Variants in MGAT5 observed in about 807,000 individuals in gnomAD.
The protein encoded by MGAT5 is alpha-1,6-mannosylglycoprotein 6-beta-N-acetylglucosaminyltransferase.
In MGAT5, 30 loss-of-function variants were observed where a neutral mutation model predicts 94.3. The ratio of observed to expected loss-of-function variants is 0.32; its 90% CI spans 0.24 to 0.43. The LOEUF (loss-of-function observed/expected upper bound fraction) is 0.43, where lower values mean the gene tolerates loss of function less well. MGAT5 is among the 20% of genes least tolerant of loss of function. MGAT5 has a pLI of 1.00. For synonymous variants in MGAT5, 310 were observed against 322.9 expected, an observed-to-expected ratio of 0.96 and a Z score of 0.43; for missense variants, 691 against 905.5, an observed-to-expected ratio of 0.76 and a Z score of 3.04.
chr2:134,229,274 G>T (rs1160091399), intron 1 of MGAT5, among the ~76,000 whole-genome samples: 1 of 152,154 alleles, frequency 6.6e-6, no homozygotes, highest in Non-Finnish European at 1.5e-5. Context: ...CAAGTTATAG[G>T]AAAGTGATAG....
Position 134,453,429 on chromosome 2 carries a change from A to G in MGAT5, c.*4582A>G, listed in dbSNP as rs910676710. On this transcript the variant is annotated 3_prime_UTR_variant, in exon 16 of 16. Coordinates refer to ENST00000281923, the MANE Select transcript of MGAT5 (RefSeq NM_002410.5). The stretch of plus-strand genomic sequence containing the variant: ...CACTGACGTCTTTCAGAACATTCCA[A>G]GGGTTTTCCTCAAGGAACATTTTTG... The G allele has an allele frequency of 6.6e-6, 1 of 152,224 alleles. No individual in the cohort carries two copies. Among genetic ancestry groups the G allele is most frequent in the Non-Finnish European group, 1.5e-5 (1 of 68,028 alleles). 9.4% of individuals were successfully genotyped at this position (152,224 alleles called of 1,614,324 possible). A position where few individuals can be genotyped will look rare whatever the true frequency, so the allele number is the denominator to read the frequency against.
At chr2:134,270,340 T>G (rs1261118595) in intron 1 of MGAT5, 46 bp from the exon 2 acceptor site, 1 of 1,573,670 alleles carries the variant, frequency 6.4e-7, no homozygotes, top group Admixed American at 1.7e-5. Context: ...CAGACAGATA[T>G]GTAGAGGCCA....
chr2:134,144,129 G>C (rs1309603406), intron 1 of MGAT5, among the ~76,000 whole-genome samples: 1 of 152,180 alleles, frequency 6.6e-6, no homozygotes, highest in Non-Finnish European at 1.5e-5. Context: ...CCACTGTGTG[G>C]CATCAAGGTC....
intron 6 of MGAT5, among the ~76,000 whole-genome samples, chr2:134,340,188 A>G (rs935071751): frequency 1.3e-4 from 20 of 152,192 alleles, no homozygotes; most frequent in African/African-American, 4.8e-4. Context: ...TCAGGCCTAT[A>G]AATAGTAATA....
intron 4 of MGAT5, chr2:134,320,137 A>T (rs1687229135): frequency 6.5e-6 from 1 of 154,590 alleles, no homozygotes; most frequent in Non-Finnish European, 1.4e-5. Flanking sequence ...TTGTAGAGGG[A>T]TCAGTGTGTG....
At chr2:134,300,439 C>T (rs778378710) in intron 2 of MGAT5, among the ~76,000 whole-genome samples, 26 of 151,884 alleles carry the variant, frequency 1.7e-4, no homozygotes, top group Non-Finnish European at 2.2e-4. Context: ...TGCACATGTG[C>T]GGTTAACCTT....
intron 13 of MGAT5, among the ~76,000 whole-genome samples, chr2:134,424,469 C>T (rs1286782377): frequency 2.0e-5 from 3 of 152,168 alleles, no homozygotes; most frequent in Non-Finnish European, 4.4e-5. Flanking sequence ...AGTCCCCAAC[C>T]TCAGGAGACC....
chr2:134,222,834 A>G (rs1245774924), intron 1 of MGAT5, among the ~76,000 whole-genome samples: 1 of 57,298 alleles, frequency 1.7e-5, no homozygotes, highest in Non-Finnish European at 3.7e-5. Flanking sequence ...TAAAATTATT[A>G]AGTAAAAACT....
intron 12 of MGAT5, among the ~76,000 whole-genome samples, chr2:134,416,409 T>C (rs1683969766): frequency 6.6e-6 from 1 of 152,168 alleles, no homozygotes; most frequent in Non-Finnish European, 1.5e-5. Context: ...TGTGTCTGGC[T>C]CACCAACTTA....
chr2:134,229,866 A>G (rs1829455), intron 1 of MGAT5, among the ~76,000 whole-genome samples: 9,945 of 152,314 alleles, frequency 0.065, 351 homozygotes, highest in East Asian at 0.086. Context: ...GGATCTGAAC[A>G]GATATTTCCC....
intron 4 of MGAT5, among the ~76,000 whole-genome samples, chr2:134,325,421 T>C (rs1441397652): frequency 6.6e-6 from 1 of 152,114 alleles, no homozygotes; most frequent in African/African-American, 2.4e-5. Context: ...ACAAAAGAGT[T>C]TAACAAACTC....
At chr2:134,255,915 GA>G (rs886245440) in intron 1 of MGAT5, among the ~76,000 whole-genome samples, 12 of 152,000 alleles carry the variant, frequency 7.9e-5, no homozygotes, top group East Asian at 3.9e-4. Context: ...TCCAAAAGGG[GA>G]AAAAAACTTG....
chr2:134,127,610 T>C (rs1236879923), intron 1 of MGAT5, among the ~76,000 whole-genome samples: 1 of 150,320 alleles, frequency 6.7e-6, no homozygotes, highest in Non-Finnish European at 1.5e-5. Context: ...GCTCCAGGCC[T>C]GGCGTGCTGG....
At chr2:134,369,469 C>A (rs1194380677) in intron 10 of MGAT5, among the ~76,000 whole-genome samples, 1 of 152,180 alleles carries the variant, frequency 6.6e-6, no homozygotes, top group Non-Finnish European at 1.5e-5. Flanking sequence ...ACTCCAGCCT[C>A]AGTTTCCTCA....
intron 2 of MGAT5, among the ~76,000 whole-genome samples, chr2:134,303,270 G>A (rs531928936): frequency 4.6e-5 from 7 of 151,982 alleles, no homozygotes; most frequent in Admixed American, 1.3e-4. Context: ...CAACAGTTGC[G>A]TCATCTTGTT....
At chr2:134,369,363 G>T (rs144112079) in intron 10 of MGAT5, among the ~76,000 whole-genome samples, 56 of 152,328 alleles carry the variant, frequency 3.7e-4, no homozygotes, top group African/African-American at 1.2e-3. Flanking sequence ...AACCTCTTGT[G>T]AGATTAGCAG....
At chr2:134,137,193 ATAGGTCT>A (rs1686448065) in intron 1 of MGAT5, among the ~76,000 whole-genome samples, 1 of 152,198 alleles carries the variant, frequency 6.6e-6, no homozygotes, top group South Asian at 2.1e-4. Flanking sequence ...ACTCTAAGAA[ATAGGTCT>A]CTGCCCAAGA....
chr2:134,351,864 A>T (rs1679408058), intron 9 of MGAT5, among the ~76,000 whole-genome samples: 1 of 152,204 alleles, frequency 6.6e-6, no homozygotes, highest in Non-Finnish European at 1.5e-5. Flanking sequence ...GAGAAGAAAA[A>T]GTTCCATGTT....
intron 10 of MGAT5, among the ~76,000 whole-genome samples, chr2:134,398,692 C>T (rs577492013): frequency 3.9e-5 from 6 of 152,080 alleles, no homozygotes; most frequent in African/African-American, 7.2e-5. Context: ...TGTCCATCAG[C>T]GGATGAATGG....
Sources: gnomAD v4.1 joint callset for allele counts (sites outside exome capture counted in the v4.1 genomes callset) on GRCh38, gnomAD v4.1.1 for gene constraint, MANE v1.5 for transcripts, NCBI Gene and HGNC (gene_info 2026-07-23, HGNC 2026-07-21) for gene names.